The following LMO7 variants were observed in gnomAD, a reference collection of about 807,000 sequenced individuals.
The protein encoded by LMO7 is LIM domain only protein 7.
LMO7 carries 120 observed loss-of-function variants against 206.5 expected under a neutral mutation model. The observed-to-expected ratio is 0.58, with a 90% confidence interval of 0.50 to 0.68. LMO7 has a LOEUF of 0.68. LMO7 is among the 30% of genes least tolerant of loss of function. The pLI, the probability that LMO7 is intolerant of heterozygous loss-of-function variation, is 0.00. For synonymous variants in LMO7, 706 were observed against 681.5 expected (o/e 1.04, Z -0.56); for missense variants, 1,959 against 1,957.9 (o/e 1.00, Z -0.01).
At chr13:75,734,221 G>A (rs906329703) in intron 3 of LMO7, among the ~76,000 whole-genome samples, 5 of 152,140 alleles carry the variant, frequency 3.3e-5, no homozygotes, top group African/African-American at 1.2e-4. Flanking sequence ...ACCCCACACT[G>A]TCCCAAGGTA....
At chr13:75,838,114 A>G (rs746171004) in intron 19 of LMO7, 26 bp from the exon 20 acceptor site, 1 of 1,351,556 alleles carries the variant, frequency 7.4e-7, no homozygotes, top group Non-Finnish European at 1.1e-6. Context: ...AATGAATGAC[A>G]TAGTGTTTAT....
At chr13:75,787,427 TGTTTCTCTTTAA>T (rs2052609194) in intron 4 of LMO7, among the ~76,000 whole-genome samples, 1 of 152,232 alleles carries the variant, frequency 6.6e-6, no homozygotes, top group African/African-American at 2.4e-5. Context: ...GTGTGTGGTT[TGTTTCTCTTTAA>T]GTGAAACTAT....
chr13:75,799,811 C>G (rs1157020448), intron 6 of LMO7, among the ~76,000 whole-genome samples: 3 of 152,132 alleles, frequency 2.0e-5, no homozygotes, highest in Non-Finnish European at 2.9e-5. Flanking sequence ...ACACCATGGG[C>G]TTTGTAAATT....
At chr13:75,851,719 G>A (rs2060516276) in intron 27 of LMO7, among the ~76,000 whole-genome samples, 1 of 152,188 alleles carries the variant, frequency 6.6e-6, no homozygotes, top group Non-Finnish European at 1.5e-5. Context: ...TTTTGCAAAA[G>A]TTGTATTTAA....
At chr13:75,655,136 G>T (rs2037931873) in intron 1 of LMO7, among the ~76,000 whole-genome samples, 1 of 152,188 alleles carries the variant, frequency 6.6e-6, no homozygotes, top group South Asian at 2.1e-4. Flanking sequence ...CTCCCAAAGT[G>T]CTGGGATTAC....
intron 3 of LMO7, among the ~76,000 whole-genome samples, chr13:75,735,133 GTGTGTGTGTA>G (rs897925115): frequency 2.7e-5 from 4 of 150,874 alleles, no homozygotes; most frequent in African/African-American, 4.9e-5. Context: ...GTGTGTGTGT[GTGTGTGTGTA>G]TGTATGTACA....
intron 11 of LMO7, among the ~76,000 whole-genome samples, chr13:75,809,658 G>A (rs1432465076): frequency 2.6e-5 from 4 of 151,986 alleles, no homozygotes; most frequent in Admixed American, 6.6e-5. Context: ...TGGGAGCTTC[G>A]TTAGTAGGGA....
At chr13:75,728,961 C>T (rs1047549767) in intron 3 of LMO7, among the ~76,000 whole-genome samples, 2 of 151,772 alleles carry the variant, frequency 1.3e-5, no homozygotes, top group African/African-American at 4.9e-5. Flanking sequence ...TTTCTCAGGG[C>T]TCTGTTCTGT....
chr13:75,742,250 G>A (rs2046475320), intron 3 of LMO7, among the ~76,000 whole-genome samples: 1 of 151,994 alleles, frequency 6.6e-6, no homozygotes, highest in Non-Finnish European at 1.5e-5. Context: ...CAAATAAATG[G>A]AAAAACATTT....
chr13:75,767,750 G>A (rs975491822), intron 4 of LMO7, among the ~76,000 whole-genome samples: 11 of 152,208 alleles, frequency 7.2e-5, no homozygotes, highest in Middle Eastern at 3.4e-3. Context: ...ATGTGTATCC[G>A]TGGTTGTGAA....
At chr13:75,671,972 T>G (rs763743227) in intron 1 of LMO7, among the ~76,000 whole-genome samples, 8 of 152,138 alleles carry the variant, frequency 5.3e-5, no homozygotes, top group Non-Finnish European at 8.8e-5. Context: ...GCTTTGGATA[T>G]TCTTCATATT....
At chr13:75,852,131 T>G (rs1344350975) in intron 27 of LMO7, among the ~76,000 whole-genome samples, 1 of 152,246 alleles carries the variant, frequency 6.6e-6, no homozygotes, top group Non-Finnish European at 1.5e-5. Flanking sequence ...TAAGTATCAA[T>G]CTTCTTAGAC....
intron 2 of LMO7, chr13:75,627,066 G>A (rs2034292004): frequency 6.6e-6 from 1 of 152,114 alleles, no homozygotes; most frequent in Admixed American, 6.5e-5. Flanking sequence ...TGTATGGGTT[G>A]TTTCCTCTCT....
At chr13:75,784,590 A>G (rs2052100716) in intron 4 of LMO7, among the ~76,000 whole-genome samples, 1 of 152,220 alleles carries the variant, frequency 6.6e-6, no homozygotes, top group Non-Finnish European at 1.5e-5. Context: ...TTTAATATAT[A>G]TTAAATCACA....
chr13:75,747,556 C>T (rs1227078307), intron 3 of LMO7, among the ~76,000 whole-genome samples: 1 of 152,216 alleles, frequency 6.6e-6, no homozygotes, highest in African/African-American at 2.4e-5. Flanking sequence ...CTGTTACTCT[C>T]ATGAGACGAG....
At chr13:75,744,997 C>T (rs971497092) in intron 3 of LMO7, among the ~76,000 whole-genome samples, 4 of 152,146 alleles carry the variant, frequency 2.6e-5, no homozygotes, top group African/African-American at 9.7e-5. Flanking sequence ...TATATAATAC[C>T]TTATCAGTTA....
chr13:75,708,981 T>C (rs2042869350), intron 1 of LMO7, among the ~76,000 whole-genome samples: 2 of 151,640 alleles, frequency 1.3e-5, no homozygotes, highest in South Asian at 2.1e-4. Context: ...CGGTGTGTGA[T>C]GTTCCCCTTC....
upstream of LMO7, among the ~76,000 whole-genome samples, chr13:75,632,862 G>T (rs373323991): frequency 1.1e-3 from 116 of 102,122 alleles, 1 homozygote; most frequent in South Asian, 3.7e-3. Context: ...TTACTTAAAA[G>T]TTTTTTTTTT....
intron 1 of LMO7, among the ~76,000 whole-genome samples, chr13:75,658,840 C>T (rs2038302340): frequency 6.6e-6 from 1 of 152,142 alleles, no homozygotes; most frequent in Non-Finnish European, 1.5e-5. Flanking sequence ...CCTCCTGCCT[C>T]AGCCTCCCAA....
Sources: gnomAD v4.1 joint callset for allele counts (sites outside exome capture counted in the v4.1 genomes callset) on GRCh38, gnomAD v4.1.1 for gene constraint, MANE v1.5 for transcripts, NCBI Gene and HGNC (gene_info 2026-07-23, HGNC 2026-07-21) for gene names.